The following CAMK1D variants were observed in gnomAD, a reference collection of about 807,000 sequenced individuals.
The protein encoded by CAMK1D is calcium/calmodulin dependent protein kinase ID.
Under a neutral mutation model 47.7 loss-of-function variants are expected in CAMK1D, and 9 were observed. The observed-to-expected ratio is 0.19, with a 90% CI of 0.11 to 0.33. The LOEUF (loss-of-function observed/expected upper bound fraction) is 0.33, where lower values mean the gene tolerates loss of function less well. Ranked by LOEUF, CAMK1D falls within the 10% of genes least tolerant of loss-of-function variation. The pLI is 1.00. For synonymous variants in CAMK1D, 184 were observed against 184.9 expected (o/e 0.99, Z 0.04); for missense variants, 291 against 488.7 (o/e 0.60, Z 3.81).
At chr10:12,355,506 TGGG>T (rs10587376) in intron 1 of CAMK1D, among the ~76,000 whole-genome samples, 32,105 of 151,790 alleles carry the variant, frequency 0.21, 3,707 homozygotes, top group East Asian at 0.48. Flanking sequence ...GTGTGTGTGG[TGGG>T]GGAGAGAATG....
intron 1 of CAMK1D, among the ~76,000 whole-genome samples, chr10:12,363,017 T>C (rs967001431): frequency 1.3e-5 from 2 of 149,142 alleles, no homozygotes; most frequent in Non-Finnish European, 3.0e-5. Flanking sequence ...CTTGGCTCAC[T>C]GCAGGCTCTT....
chr10:12,509,589 C>T (rs1168615246), intron 1 of CAMK1D, among the ~76,000 whole-genome samples: 2 of 152,008 alleles, frequency 1.3e-5, no homozygotes, highest in African/African-American at 2.4e-5. Flanking sequence ...TCTACAAAAA[C>T]GAAACAAAAT....
rs1588972917 is a variant in CAMK1D at position 12,825,520 on chromosome 10, CTT to C, written c.922-50_922-49del. On this transcript the variant is annotated intron_variant, in intron 9 of 10. Transcript: ENST00000619168. ...ATAAACAAGAGAACACAGTTAGAGT[CTT>C]TTCCGATTAGCTGAAATATTTGTCT... is the stretch of plus-strand genomic sequence containing the variant. 6 of 1,556,182 alleles carry C rather than the reference CTT, an allele frequency of 3.9e-6. No individual in the cohort carries two copies. The East Asian group carries it at 1.3e-4, about 35-fold the overall frequency.
intron 2 of CAMK1D, among the ~76,000 whole-genome samples, chr10:12,665,998 A>G (rs1417978215): frequency 3.9e-5 from 6 of 152,016 alleles, no homozygotes; most frequent in Non-Finnish European, 7.4e-5. Context: ...TCTTATTACA[A>G]TACTGATTCC....
chr10:12,437,859 T>C, intron 1 of CAMK1D, among the ~76,000 whole-genome samples: 1 of 152,210 alleles, frequency 6.6e-6, no homozygotes, highest in Admixed American at 6.5e-5. Flanking sequence ...ACTGACTATT[T>C]TCCTGCCTCT....
chr10:12,818,038 C>T lies in CAMK1D; in HGVS notation c.833+1710C>T, dbSNP rs531486447. Among the ~76,000 whole-genome samples the T allele has an allele frequency of 1.8e-3, 272 of 152,090 alleles. 3 individuals are homozygous for T. The highest frequency in any genetic ancestry group is 0.017 in the South Asian group (83 of 4,804). The stretch of plus-strand genomic sequence containing the variant: ...CGAGCATCCATTGTGAAACAAATGC[C>T]AAGAGTCGTAAAATACCAAAGATAA... On this transcript the variant is annotated intron_variant, in intron 8 of 10. Transcript: ENST00000619168.
intron 3 of CAMK1D, among the ~76,000 whole-genome samples, chr10:12,675,621 T>C (rs752935154): frequency 2.0e-5 from 3 of 152,220 alleles, no homozygotes; most frequent in Non-Finnish European, 4.4e-5. Flanking sequence ...CAAACCACCA[T>C]ATAAAACATC....
chr10:12,690,542 A>G (rs1008510972), intron 3 of CAMK1D, among the ~76,000 whole-genome samples: 4 of 152,206 alleles, frequency 2.6e-5, no homozygotes, highest in African/African-American at 9.7e-5. Flanking sequence ...TGTAACACAC[A>G]TCTCATGTTC....
intron 3 of CAMK1D, among the ~76,000 whole-genome samples, chr10:12,678,329 C>CT (rs1840881033): frequency 6.6e-6 from 1 of 152,076 alleles, no homozygotes. Context: ...TTCTAGTTTC[C>CT]TTTTATTGTG....
At chr10:12,418,583 G>A (rs1839934082) in intron 1 of CAMK1D, among the ~76,000 whole-genome samples, 1 of 152,074 alleles carries the variant, frequency 6.6e-6, no homozygotes, top group African/African-American at 2.4e-5. Context: ...TTCCAGCTTG[G>A]GTGACAGAGC....
chr10:12,760,859 A>C lies in CAMK1D; in HGVS notation c.300-89A>C. On this transcript the variant is annotated intron_variant, in intron 3 of 10. Coordinates refer to ENST00000619168, the MANE Select transcript of CAMK1D (RefSeq NM_153498.4). ...ATCTGAAGATGGATTCATTTTTGCA[A>C]TAAAGTTTGGGATTTTTTTCACATT... 2.1e-6 allele frequency: 3 copies of C among 1,446,682 alleles called. No homozygotes were observed. The South Asian group carries it at 3.8e-5, about 18-fold the overall frequency. 89.6% of individuals were successfully genotyped at this position (1,446,682 alleles called of 1,614,324 possible).
intron 3 of CAMK1D, among the ~76,000 whole-genome samples, chr10:12,676,016 G>A (rs1469640212): frequency 6.6e-6 from 1 of 152,146 alleles, no homozygotes; most frequent in African/African-American, 2.4e-5. Context: ...GCAATGGCGC[G>A]ATCTCGGCTC....
intron 3 of CAMK1D, among the ~76,000 whole-genome samples, chr10:12,691,129 G>T (rs966423826): frequency 6.6e-6 from 1 of 151,896 alleles, no homozygotes; most frequent in Non-Finnish European, 1.5e-5. Flanking sequence ...CTGGAAACTT[G>T]CTCTTTCTTT....
intron 2 of CAMK1D, among the ~76,000 whole-genome samples, chr10:12,615,973 C>T (rs917079564): frequency 6.8e-6 from 1 of 147,830 alleles, no homozygotes; most frequent in East Asian, 2.0e-4. Flanking sequence ...TGTATGTGTG[C>T]ATGTGTGTTG....
At chr10:12,814,368 G>C in intron 7 of CAMK1D, 61 bp downstream of exon 7, 1 of 1,085,794 alleles carries the variant, frequency 9.2e-7, no homozygotes, top group Non-Finnish European at 1.4e-6. Context: ...CCCAGACCAC[G>C]TGACCCTGAC....
At chr10:12,703,370 C>T (rs1252933839) in intron 3 of CAMK1D, among the ~76,000 whole-genome samples, 1 of 152,204 alleles carries the variant, frequency 6.6e-6, no homozygotes, top group East Asian at 1.9e-4. Context: ...ATGGGTCTCA[C>T]TCGCAGGGCT....
chr10:12,499,291 G>A (rs1356167561), intron 1 of CAMK1D, among the ~76,000 whole-genome samples: 2 of 151,944 alleles, frequency 1.3e-5, no homozygotes, highest in Non-Finnish European at 2.9e-5. Flanking sequence ...GCAAATGGAC[G>A]GTCCTGGGTC....
intron 5 of CAMK1D, among the ~76,000 whole-genome samples, chr10:12,774,497 G>A (rs1018108764): frequency 6.6e-6 from 1 of 152,150 alleles, no homozygotes; most frequent in Non-Finnish European, 1.5e-5. Flanking sequence ...AGGGGTATGT[G>A]GACCAGGACT....
Position 12,447,861 on chromosome 10 carries a change from T to C in CAMK1D, c.92+97951T>C, listed in dbSNP as rs998336927. Among the ~76,000 whole-genome samples, 7 of 152,116 alleles carry C rather than the reference T, an allele frequency of 4.6e-5. No homozygotes were observed. The South Asian group carries it at 1.5e-3, about 32-fold the overall frequency. ...TTTTTTTTACTTATTTTTATTATTA[T>C]TATTTTTTGAGATGGAGTTTCGCTC... On this transcript the variant is annotated intron_variant, in intron 1 of 10. Coordinates refer to ENST00000619168, the MANE Select transcript of CAMK1D (RefSeq NM_153498.4).
Sources: gnomAD v4.1 joint callset for allele counts (sites outside exome capture counted in the v4.1 genomes callset) on GRCh38, gnomAD v4.1.1 for gene constraint, MANE v1.5 for transcripts, NCBI Gene and HGNC (gene_info 2026-07-23, HGNC 2026-07-21) for gene names.